MREG: variants seen among roughly 807,000 people sequenced by gnomAD.
The protein encoded by MREG is dilute suppressor protein homolog.
MREG carries 31 observed loss-of-function variants against 28.5 expected under a neutral mutation model. The observed-to-expected ratio is 1.09, with a 90% CI of 0.82 to 1.47. MREG has a LOEUF of 1.47. Ranked by LOEUF, MREG falls within the 40% of genes most tolerant of loss-of-function variation. MREG has a pLI of 0.00. For synonymous variants in MREG, 106 were observed against 95.2 expected (o/e 1.11, Z -0.66); for missense variants, 256 against 257.4 (o/e 0.99, Z 0.04).
At chr2:216,031,417 GAAGAAAGAAAGAA>G (rs147117336) in intron 1 of MREG, among the ~76,000 whole-genome samples, 43,276 of 133,134 alleles carry the variant, frequency 0.33, 7,051 homozygotes, top group Admixed American at 0.44. Flanking sequence ...AGGAAGAAAG[GAAGAAAGAAAGAA>G]AAGAAAGAAA....
At position 215,991,441 on chromosome 2, in the gene MREG, A is replaced by C. The variant is rs111469481; in HGVS notation, c.255+4865T>G. Among the ~76,000 whole-genome samples, 469 of 152,348 alleles carry C rather than the reference A, an allele frequency of 3.1e-3. 1 individual carries two copies. Among genetic ancestry groups the C allele is most frequent in the African/African-American group, 0.01 (435 of 41,576 alleles). On this transcript the variant is annotated intron_variant, in intron 2 of 4. Coordinates refer to ENST00000263268, the MANE Select transcript of MREG (RefSeq NM_018000.3). Reference sequence around the variant, plus strand: ...CTAAATGTGCATAGGAGAAAGCAGGAAAGACCTAAAATTGACACCCTAACA... The same window carrying C: ...CTAAATGTGCATAGGAGAAAGCAGGCAAGACCTAAAATTGACACCCTAACA...
Position 215,943,891 on chromosome 2 carries a change from C to A in MREG, c.*972G>T. On this transcript the variant is annotated 3_prime_UTR_variant, in exon 5 of 5. Coordinates refer to ENST00000263268, the MANE Select transcript of MREG (RefSeq NM_018000.3). The stretch of plus-strand genomic sequence containing the variant: ...GAAAGGCTTTTGGAATAGAAATGGA[C>A]AATATACAAAGATGAGAGAACCAGA... Among the ~76,000 whole-genome samples, 3 of 116,322 alleles carry A rather than the reference C, an allele frequency of 2.6e-5. No homozygotes were observed. The highest frequency in any genetic ancestry group is 2.9e-4 in the South Asian group (1 of 3,474). 76.3% of individuals were successfully genotyped at this position (116,322 alleles called of 152,430 possible). A position where few individuals can be genotyped will look rare whatever the true frequency, so the allele number is the denominator to read the frequency against.
At chr2:215,999,475 G>C (rs1483064045) in intron 1 of MREG, among the ~76,000 whole-genome samples, 1 of 152,164 alleles carries the variant, frequency 6.6e-6, no homozygotes, top group Non-Finnish European at 1.5e-5. Flanking sequence ...GGCTTCTCTG[G>C]AAGAGATAGA....
At chr2:215,966,744 G>A (rs1297810685) in intron 2 of MREG, among the ~76,000 whole-genome samples, 1 of 151,986 alleles carries the variant, frequency 6.6e-6, no homozygotes, top group East Asian at 1.9e-4. Flanking sequence ...TGGGATTATA[G>A]GCGTGTGCCA....
rs369611353 is a variant in MREG at position 216,001,021 on chromosome 2, TCTGTCTCTCTTTC to T, written c.96-4569_96-4557del. On this transcript the variant is annotated intron_variant, in intron 1 of 4. Transcript: ENST00000263268. ...TCTGTCCCTCCTCTCTCTAGCTGTC[TCTGTCTCTCTTTC>T]CTGTCTCTTGCTCTCTCTCACTATC... 7.7e-3 allele frequency among the ~76,000 whole-genome samples: 1,144 copies of T among 147,984 alleles called. 15 individuals are homozygous for T. The highest frequency in any genetic ancestry group is 0.029 in the African/African-American group (1,096 of 37,500).
At chr2:215,988,897 G>A (rs1294849132) in intron 2 of MREG, among the ~76,000 whole-genome samples, 1 of 152,220 alleles carries the variant, frequency 6.6e-6, no homozygotes, top group African/African-American at 2.4e-5. Flanking sequence ...CCCCAGTCAG[G>A]GGCTTATAGA....
intron 1 of MREG, among the ~76,000 whole-genome samples, chr2:215,997,547 C>A (rs914407232): frequency 6.6e-6 from 1 of 152,096 alleles, no homozygotes; most frequent in Non-Finnish European, 1.5e-5. Flanking sequence ...AAATTGTGAG[C>A]AAAACAGACA....
chr2:216,013,489 G>A lies in MREG; in HGVS notation c.-162C>T, dbSNP rs1270886080. 3 of 219,270 alleles carry A rather than the reference G, an allele frequency of 1.4e-5. No individual in the cohort carries two copies. The highest frequency in any genetic ancestry group is 7.0e-5 in the African/African-American group (3 of 42,728). 13.6% of individuals were successfully genotyped at this position (219,270 alleles called of 1,614,324 possible). A position where few individuals can be genotyped will look rare whatever the true frequency, so the allele number is the denominator to read the frequency against. On this transcript the variant is annotated 5_prime_UTR_variant, in exon 1 of 5. Transcript: ENST00000263268. ...CGCGCATCACGCCGCGGCCGGGGAC[G>A]CGGGCGAGGGCTGCAGGCCGCGCGC... is the stretch of plus-strand genomic sequence containing the variant.
At chr2:216,010,219 AG>A (rs1222939157) in intron 1 of MREG, among the ~76,000 whole-genome samples, 3 of 152,184 alleles carry the variant, frequency 2.0e-5, no homozygotes, top group African/African-American at 7.2e-5. Context: ...CCACAAGTCA[AG>A]GAACATTGGG....
At chr2:215,973,375 T>TAAG in intron 2 of MREG, among the ~76,000 whole-genome samples, 1 of 152,320 alleles carries the variant, frequency 6.6e-6, no homozygotes, top group East Asian at 1.9e-4. Flanking sequence ...ACATGCAGCA[T>TAAG]AAGATGACAA....
At chr2:215,973,001 G>A (rs145271414) in intron 2 of MREG, among the ~76,000 whole-genome samples, 47 of 152,244 alleles carry the variant, frequency 3.1e-4, no homozygotes, top group African/African-American at 1.1e-3. Context: ...TGAAAAGAAG[G>A]GAGAAAAAAA....
upstream of MREG, among the ~76,000 whole-genome samples, chr2:216,016,441 T>G (rs7560150): frequency 0.021 from 3,198 of 152,300 alleles, 124 homozygotes; most frequent in African/African-American, 0.073. Flanking sequence ...TAGTAACTAT[T>G]TGAGTTGGAT....
At chr2:215,984,860 C>T (rs1233666358) in intron 2 of MREG, among the ~76,000 whole-genome samples, 2 of 152,210 alleles carry the variant, frequency 1.3e-5, no homozygotes, top group African/African-American at 4.8e-5. Context: ...AAATCCCTTT[C>T]GTACTCATTG....
intron 1 of MREG, among the ~76,000 whole-genome samples, chr2:216,026,549 T>G (rs781259494): frequency 6.6e-6 from 1 of 151,846 alleles, no homozygotes; most frequent in Non-Finnish European, 1.5e-5. Flanking sequence ...TTTGTAGACA[T>G]GGGGTTTCAC....
chr2:216,019,385 T>C (rs1443416378), intron 1 of MREG, among the ~76,000 whole-genome samples: 1 of 152,224 alleles, frequency 6.6e-6, no homozygotes, highest in Non-Finnish European at 1.5e-5. Context: ...GTGAGATTTT[T>C]ATTTCTGTTT....
downstream of MREG, chr2:215,939,536 C>T (rs552479458): frequency 3.4e-4 from 52 of 152,230 alleles, no homozygotes; most frequent in African/African-American, 1.2e-3. Flanking sequence ...CAACAATATT[C>T]CAATAATAAG....
At chr2:215,969,280 A>T (rs1405886893) in intron 2 of MREG, among the ~76,000 whole-genome samples, 6 of 152,206 alleles carry the variant, frequency 3.9e-5, no homozygotes, top group Non-Finnish European at 1.5e-5. Context: ...TTGAGGGAAG[A>T]GTTCCAGAGA....
At position 216,013,381 on chromosome 2, in the gene MREG, G is replaced by C; in HGVS notation, c.-54C>G. On this transcript the variant is annotated 5_prime_UTR_variant, in exon 1 of 5. Coordinates refer to ENST00000263268, the MANE Select transcript of MREG (RefSeq NM_018000.3). ...AAGCCTGGGGCCGAGTCGCCGCGGC[G>C]AGCGATCGAGGCTGGGGCGCGGCCA... is the stretch of plus-strand genomic sequence containing the variant. 1 of 1,383,434 alleles carries C rather than the reference G, an allele frequency of 7.2e-7. No homozygotes were observed. The highest frequency in any genetic ancestry group is 9.6e-7 in the Non-Finnish European group (1 of 1,044,592). The allele number at this position is 1,383,434 out of a possible 1,614,324, so 85.7% of individuals were successfully genotyped here.
At chr2:215,983,460 A>T (rs1295126709) in intron 2 of MREG, among the ~76,000 whole-genome samples, 2 of 152,176 alleles carry the variant, frequency 1.3e-5, no homozygotes, top group African/African-American at 4.8e-5. Flanking sequence ...TAAGTGTATG[A>T]CCCAGACATT....
Sources: gnomAD v4.1 joint callset for allele counts (sites outside exome capture counted in the v4.1 genomes callset) on GRCh38, gnomAD v4.1.1 for gene constraint, MANE v1.5 for transcripts, NCBI Gene and HGNC (gene_info 2026-07-23, HGNC 2026-07-21) for gene names.